PPP2R2A: variants seen among roughly 807,000 people sequenced by gnomAD.
The protein encoded by PPP2R2A is serine/threonine-protein phosphatase 2A 55 kDa regulatory subunit B alpha isoform.
A neutral mutation model predicts 53.2 loss-of-function variants in PPP2R2A; 9 were observed. The ratio of observed to expected loss-of-function variants is 0.17; its 90% CI spans 0.10 to 0.30. PPP2R2A has a LOEUF of 0.30. Ranked by LOEUF, PPP2R2A falls within the 10% of genes least tolerant of loss-of-function variation. PPP2R2A has a pLI of 1.00. For synonymous variants in PPP2R2A, 169 were observed against 174.2 expected (o/e 0.97, Z 0.23); for missense variants, 235 against 534.6 (o/e 0.44, Z 5.53).
chr8:26,369,063 G>A (rs1469337839), intron 9 of PPP2R2A, among the ~76,000 whole-genome samples: 7 of 149,204 alleles, frequency 4.7e-5, no homozygotes, highest in Non-Finnish European at 7.4e-5. Flanking sequence ...AGCCGAGATC[G>A]CACCACTGCA....
At chr8:26,347,484 G>A (rs1014551701) in intron 3 of PPP2R2A, among the ~76,000 whole-genome samples, 2 of 151,086 alleles carry the variant, frequency 1.3e-5, no homozygotes, top group East Asian at 3.9e-4. Flanking sequence ...TTCCTCCTAT[G>A]TAACTTTATC....
chr8:26,333,366 G>T, intron 2 of PPP2R2A: 1 of 303,896 alleles, frequency 3.3e-6, no homozygotes, highest in East Asian at 1.1e-4. Flanking sequence ...GTTTTCATTT[G>T]ACAGCTTTGG....
rs535626812 is a variant in PPP2R2A at position 26,330,591 on chromosome 8, A to T, written c.83-8299A>T. Among the ~76,000 whole-genome samples the T allele has an allele frequency of 7.2e-5, 11 of 152,118 alleles. No individual in the cohort carries two copies. The East Asian group carries it at 2.1e-3, about 29-fold the overall frequency. On this transcript the variant is annotated intron_variant, in intron 2 of 9. Coordinates refer to ENST00000380737, the MANE Select transcript of PPP2R2A (RefSeq NM_002717.4). ...GTGATCCACCCGCCTCAGTGCTGGG[A>T]TTGCAGGCGTGAGCCACTGTGCCTG... is the stretch of plus-strand genomic sequence containing the variant.
intron 2 of PPP2R2A, among the ~76,000 whole-genome samples, chr8:26,328,596 C>T (rs1211665719): frequency 3.9e-5 from 6 of 152,148 alleles, no homozygotes; most frequent in African/African-American, 1.4e-4. Flanking sequence ...CCATAATTCC[C>T]TGATTGTTTT....
intron 2 of PPP2R2A, among the ~76,000 whole-genome samples, chr8:26,316,000 G>C (rs1384898381): frequency 6.6e-6 from 1 of 152,114 alleles, no homozygotes; most frequent in Non-Finnish European, 1.5e-5. Flanking sequence ...TCTAAATTCT[G>C]ATATTGTGTA....
rs373380495 is a variant in PPP2R2A, at chr8:26,366,419, A to C, written c.1064+13A>C. 1.4e-5 allele frequency: 22 copies of C among 1,530,604 alleles called. No individual in the cohort carries two copies. The South Asian group carries it at 2.0e-4, about 14-fold the overall frequency. 94.8% of individuals were successfully genotyped at this position (1,530,604 alleles called of 1,614,324 possible). A position where few individuals can be genotyped will look rare whatever the true frequency, so the allele number is the denominator to read the frequency against. The stretch of plus-strand genomic sequence containing the variant: ...ATGGATCTGACAGGTAATTAAGTCA[A>C]ACCTCTCAAATATGAATTTTATTAA... On this transcript the variant is annotated intron_variant, in intron 9 of 9. Coordinates refer to ENST00000380737, the MANE Select transcript of PPP2R2A (RefSeq NM_002717.4).
chr8:26,370,278 A>G lies in PPP2R2A; in HGVS notation c.1209A>G (p.Arg403=), dbSNP rs1050617560. 6.2e-7 allele frequency: 1 copy of G among 1,614,188 alleles called. No individual in the cohort carries two copies. Among genetic ancestry groups the G allele is most frequent in the Non-Finnish European group, 8.5e-7 (1 of 1,180,020 alleles). ...GCAAAGTCTGTGCAAGTGGCAAGCG[A>G]AAGAAAGATGAAATAAGTGTTGACA... is the stretch of plus-strand genomic sequence containing the variant. ...KPRKVCASGK[R]KKDEISVDSL... The change falls in exon 10 of 10, where the codon CGA becomes CGG. Residue 403 remains arginine, a synonymous_variant. Transcript: ENST00000380737. The surrounding 1 kb of genome is among the most constrained non-coding windows in gnomAD (Gnocchi z 6.1).
chr8:26,337,382 GTAT>G (rs1267517515), intron 2 of PPP2R2A, among the ~76,000 whole-genome samples: 4 of 152,104 alleles, frequency 2.6e-5, no homozygotes, highest in South Asian at 2.1e-4. Context: ...CTGTATGTTT[GTAT>G]TATTATTTGA....
chr8:26,328,345 T>C (rs1214677282), intron 2 of PPP2R2A, among the ~76,000 whole-genome samples: 1 of 152,238 alleles, frequency 6.6e-6, no homozygotes, highest in East Asian at 1.9e-4. Flanking sequence ...GAAGTGATTT[T>C]ATGGTAATAT....
chr8:26,330,599 C>T (rs566829363), intron 2 of PPP2R2A, among the ~76,000 whole-genome samples: 4 of 152,108 alleles, frequency 2.6e-5, no homozygotes, highest in Non-Finnish European at 5.9e-5. Flanking sequence ...GGATTGCAGG[C>T]GTGAGCCACT....
At chr8:26,332,354 C>CT (rs915001042) in intron 2 of PPP2R2A, among the ~76,000 whole-genome samples, 2 of 118,692 alleles carry the variant, frequency 1.7e-5, no homozygotes, top group Non-Finnish European at 3.4e-5. Flanking sequence ...GAGCAAGACT[C>CT]TTTTGTCTCA....
intron 3 of PPP2R2A, among the ~76,000 whole-genome samples, chr8:26,339,360 T>C (rs1305571530): frequency 2.0e-5 from 3 of 152,130 alleles, no homozygotes; most frequent in South Asian, 2.1e-4. Context: ...TTGGTTTACT[T>C]TGTACAATTG....
At chr8:26,365,288 G>C (rs1278209636) in intron 8 of PPP2R2A, 1 of 151,968 alleles carries the variant, frequency 6.6e-6, no homozygotes, top group African/African-American at 2.4e-5. Flanking sequence ...GTGATTGAAG[G>C]GTATTTTTTT....
chr8:26,310,586 C>A (rs940398363), intron 2 of PPP2R2A, among the ~76,000 whole-genome samples: 2 of 150,548 alleles, frequency 1.3e-5, no homozygotes, highest in Non-Finnish European at 2.9e-5. Context: ...TCATGATGAA[C>A]ATCCTTGTGA....
rs1177932131 is a variant in PPP2R2A, at chr8:26,363,867, A to G, written c.949A>G (p.Asn317Asp). 7.5e-6 allele frequency: 12 copies of G among 1,599,826 alleles called. No individual in the cohort carries two copies. Among genetic ancestry groups the G allele is most frequent in the Non-Finnish European group, 1.0e-5 (12 of 1,170,518 alleles). ...CAAAATTTGGGACTTAAATATGGAA[A>G]ACAGGCCTGTGGAAACATACCAGGT... The part of the protein sequence containing the change: ...SVKIWDLNME[N>D]RPVETYQVHE... Residue 317 changes from asparagine (N) to aspartate (D), a missense_variant, in exon 8 of 10, where the codon AAC becomes GAC. Asn to Asp is a conservative substitution (Grantham distance 23). Around this residue, in one of 3 missense-constraint regions of PPP2R2A, gnomAD observed 181 missense variants for 409.9 expected, o/e 0.44. Transcript: ENST00000380737.
chr8:26,300,613 T>C (rs558205624), intron 2 of PPP2R2A, among the ~76,000 whole-genome samples: 2 of 152,294 alleles, frequency 1.3e-5, no homozygotes. Context: ...CCCAGCACTT[T>C]GGGAGACGGA....
intron 2 of PPP2R2A, among the ~76,000 whole-genome samples, chr8:26,320,859 G>C (rs974362008): frequency 6.6e-6 from 1 of 152,070 alleles, no homozygotes; most frequent in Non-Finnish European, 1.5e-5. Flanking sequence ...TGAATTATAT[G>C]GCTAGGAACA....
In PPP2R2A at chr8:26,372,509, A is replaced by G. The variant is rs2117446322; in HGVS notation, c.*2096A>G. The stretch of plus-strand genomic sequence containing the variant: ...GGATTAGTTTATATATTTAAGAGAA[A>G]TAATTGCTAAAATTAAAATGCCTCT... On this transcript the variant is annotated 3_prime_UTR_variant, in exon 10 of 10. Coordinates refer to ENST00000380737, the MANE Select transcript of PPP2R2A (RefSeq NM_002717.4). 6.6e-6 allele frequency: 1 copy of G among 152,344 alleles called. No individual in the cohort carries two copies. Among genetic ancestry groups the G allele is most frequent in the East Asian group, 1.9e-4 (1 of 5,190 alleles). 9.4% of individuals were successfully genotyped at this position (152,344 alleles called of 1,614,324 possible).
At chr8:26,333,394 C>G in intron 2 of PPP2R2A, 1 of 439,030 alleles carries the variant, frequency 2.3e-6, no homozygotes, top group Non-Finnish European at 3.5e-6. Flanking sequence ...TATTTCTTAA[C>G]TATTGAGTAT....
Sources: gnomAD v4.1 joint callset for allele counts (sites outside exome capture counted in the v4.1 genomes callset) on GRCh38, gnomAD v4.1.1 for gene constraint, gnomAD v4.1.1 regional missense constraint, Gnocchi (gnomAD v3.1) non-coding constraint, MANE v1.5 for transcripts, NCBI Gene and HGNC (gene_info 2026-07-23, HGNC 2026-07-21) for gene names.